The following SNTG1 variants were observed in gnomAD, a reference collection of about 807,000 sequenced individuals.
The protein encoded by SNTG1 is gamma-1-syntrophin.
In SNTG1, 39 loss-of-function variants were observed where a neutral mutation model predicts 74.7. The observed-to-expected ratio is 0.52, with a 90% CI of 0.40 to 0.68. The LOEUF (loss-of-function observed/expected upper bound fraction) is 0.68, where lower values mean the gene tolerates loss of function less well. Ranked by LOEUF, SNTG1 falls within the 30% of genes least tolerant of loss-of-function variation. The pLI is 0.00. For missense variants in SNTG1, 685 were observed against 609.5 expected (o/e 1.12, Z -1.30); for synonymous variants, 254 against 217.1 (o/e 1.17, Z -1.49).
intron 2 of SNTG1, among the ~76,000 whole-genome samples, chr8:50,342,171 C>G (rs1173969675): frequency 6.6e-6 from 1 of 151,994 alleles, no homozygotes; most frequent in Non-Finnish European, 1.5e-5. Context: ...TTTTTTCCTT[C>G]TGCTCATTTT....
At chr8:50,293,334 G>A (rs867947194) in intron 2 of SNTG1, among the ~76,000 whole-genome samples, 13 of 151,386 alleles carry the variant, frequency 8.6e-5, no homozygotes, top group African/African-American at 2.9e-4. Context: ...TTCCTTCTAC[G>A]TGTCTGTGTC....
chr8:50,245,933 T>C (rs2086379211), intron 2 of SNTG1, among the ~76,000 whole-genome samples: 1 of 151,986 alleles, frequency 6.6e-6, no homozygotes, highest in Admixed American at 6.6e-5. Flanking sequence ...TCAATGCCTA[T>C]CCCTTTTGTC....
chr8:50,760,889 C>T (rs12675546), intron 18 of SNTG1, among the ~76,000 whole-genome samples: 5,484 of 151,974 alleles, frequency 0.036, 275 homozygotes, highest in African/African-American at 0.1. Flanking sequence ...TAATAGCCTA[C>T]CAACCAAAAA....
In SNTG1 at chr8:50,272,697, A is replaced by C. The variant is rs551761666; in HGVS notation, c.-28+100062A>C. On this transcript the variant is annotated intron_variant, in intron 2 of 18. Coordinates refer to ENST00000642720, the MANE Select transcript of SNTG1 (RefSeq NM_018967.5). ...ATGAACCTTGATTTGTATCATGTAC[A>C]TGTGTACGATGTATCATTTATATCA... 2.1e-4 allele frequency among the ~76,000 whole-genome samples: 32 copies of C among 152,320 alleles called. No individual in the cohort carries two copies. The South Asian group carries it at 4.1e-3, about 20-fold the overall frequency.
chr8:50,290,006 G>A (rs2089005186), intron 2 of SNTG1, among the ~76,000 whole-genome samples: 1 of 152,120 alleles, frequency 6.6e-6, no homozygotes. Flanking sequence ...AGTATTGCAG[G>A]GGATAGGGGT....
intron 18 of SNTG1, among the ~76,000 whole-genome samples, chr8:50,758,837 C>T (rs549315541): frequency 1.1e-3 from 174 of 152,178 alleles, no homozygotes; most frequent in Middle Eastern, 3.4e-3. Flanking sequence ...GGTATATACT[C>T]AATAATGGGA....
At chr8:50,775,961 T>A (rs1204287202) in intron 18 of SNTG1, among the ~76,000 whole-genome samples, 1 of 151,524 alleles carries the variant, frequency 6.6e-6, no homozygotes, top group Non-Finnish European at 1.5e-5. Flanking sequence ...AAAAAATCAT[T>A]CTTTTACTTT....
At chr8:50,153,804 T>C (rs1033116745) in intron 1 of SNTG1, among the ~76,000 whole-genome samples, 1 of 152,076 alleles carries the variant, frequency 6.6e-6, no homozygotes, top group African/African-American at 2.4e-5. Context: ...GAGGTGTCAG[T>C]CTGCCCCCTA....
At chr8:50,549,978 C>T (rs1228302946) in intron 11 of SNTG1, among the ~76,000 whole-genome samples, 2 of 152,142 alleles carry the variant, frequency 1.3e-5, no homozygotes, top group African/African-American at 2.4e-5. Flanking sequence ...CCGGGATCCA[C>T]CAATTACTCA....
chr8:50,357,153 C>T (rs1563936917), intron 2 of SNTG1, among the ~76,000 whole-genome samples: 1 of 152,174 alleles, frequency 6.6e-6, no homozygotes, highest in Non-Finnish European at 1.5e-5. Context: ...CCACGTCAGC[C>T]ATACTCCTTG....
chr8:50,067,776 T>C (rs1285678387), intron 1 of SNTG1, among the ~76,000 whole-genome samples: 2 of 152,088 alleles, frequency 1.3e-5, no homozygotes, highest in Non-Finnish European at 2.9e-5. Flanking sequence ...GATTCATGGA[T>C]TGCTTAGGGT....
chr8:50,601,072 C>T (rs1026927473), intron 13 of SNTG1, among the ~76,000 whole-genome samples: 1 of 132,550 alleles, frequency 7.5e-6, no homozygotes, highest in Non-Finnish European at 1.6e-5. Context: ...TTGGGAGAAT[C>T]GCTTGAACCT....
In SNTG1 at chr8:50,213,205, A is replaced by G. The variant is rs557331997; in HGVS notation, c.-28+40570A>G. Among the ~76,000 whole-genome samples the G allele has an allele frequency of 3.9e-5, 6 of 152,310 alleles. No individual in the cohort carries two copies. The South Asian group carries it at 1.2e-3, about 32-fold the overall frequency. On this transcript the variant is annotated intron_variant, in intron 2 of 18. Coordinates refer to ENST00000642720, the MANE Select transcript of SNTG1 (RefSeq NM_018967.5). ...TCTAGAAGGAAATAAATCATCATAT[A>G]TGTGTGGAGGTGGCAAAATCTTAAC...
intron 15 of SNTG1, among the ~76,000 whole-genome samples, chr8:50,668,495 C>CATA (rs990415330): frequency 1.9e-4 from 27 of 145,302 alleles, no homozygotes; most frequent in African/African-American, 6.4e-4. Context: ...ATCTTTCGCA[C>CATA]ATTATTATTA....
chr8:50,716,787 C>T lies in SNTG1; in HGVS notation c.1284+7809C>T, dbSNP rs575600642. ...TCACACTGTCGCCCAGGCTGGAGTGCAGTGGCGCGATCTCAGCTCACTGCA... is the reference window on the plus strand; with the variant it reads ...TCACACTGTCGCCCAGGCTGGAGTGTAGTGGCGCGATCTCAGCTCACTGCA... On this transcript the variant is annotated intron_variant, in intron 17 of 18. Transcript: ENST00000642720. Among the ~76,000 whole-genome samples the T allele has an allele frequency of 1.9e-4, 28 of 151,040 alleles. 1 individual carries two copies. The highest frequency in any genetic ancestry group is 6.1e-4 in the African/African-American group (25 of 41,034).
intron 1 of SNTG1, among the ~76,000 whole-genome samples, chr8:49,980,461 C>T (rs1812571904): frequency 7.2e-6 from 1 of 139,000 alleles, no homozygotes; most frequent in East Asian, 2.2e-4. Context: ...TCCTCCATAT[C>T]CCTGCCCCAG....
At chr8:50,464,800 C>T (rs908145250) in intron 8 of SNTG1, among the ~76,000 whole-genome samples, 1 of 151,912 alleles carries the variant, frequency 6.6e-6, no homozygotes, top group African/African-American at 2.4e-5. Flanking sequence ...GTCACCATAA[C>T]AGATACAATA....
rs138959195 is a variant in SNTG1, at chr8:49,938,603, T to TTTTCTTTCTTTCTTTC, written c.-103+26397_-103+26412dup. On this transcript the variant is annotated intron_variant, in intron 1 of 18. Coordinates refer to ENST00000642720, the MANE Select transcript of SNTG1 (RefSeq NM_018967.5). ...TTTTCTTTTCTTTTCTTTTCTTTTC[T>TTTTCTTTCTTTCTTTC]TTTCTTTCTTTCTTTCTTTCTTTCT... is the stretch of plus-strand genomic sequence containing the variant. Among the ~76,000 whole-genome samples the TTTTCTTTCTTTCTTTC allele has an allele frequency of 9.8e-3, 731 of 74,732 alleles. 40 individuals are homozygous for TTTTCTTTCTTTCTTTC. The highest frequency in any genetic ancestry group is 0.011 in the Admixed American group (66 of 6,072). 49.0% of individuals were successfully genotyped at this position (74,732 alleles called of 152,430 possible).
intron 2 of SNTG1, among the ~76,000 whole-genome samples, chr8:50,324,040 C>T (rs1355208249): frequency 6.6e-6 from 1 of 152,154 alleles, no homozygotes; most frequent in African/African-American, 2.4e-5. Flanking sequence ...TAGGATTTGC[C>T]TAGCAATTGC....
Sources: allele counts gnomAD v4.1 joint callset (sites outside exome capture counted in the v4.1 genomes callset), GRCh38; gene constraint gnomAD v4.1.1; transcripts MANE v1.5; gene names NCBI Gene and HGNC (gene_info 2026-07-23, HGNC 2026-07-21).